NTSR1: variants seen among roughly 807,000 people sequenced by gnomAD.
NTSR1 encodes the protein neurotensin receptor 1, also known as neurotensin receptor type 1.
A neutral mutation model predicts 31.2 loss-of-function variants in NTSR1; 29 were observed. The ratio of observed to expected loss-of-function variants is 0.93; its 90% CI spans 0.69 to 1.27. NTSR1 has a LOEUF of 1.27. NTSR1 is among the 50% of genes most tolerant of loss of function. NTSR1 has a pLI of 0.00. For synonymous variants in NTSR1, 282 were observed against 269.9 expected (o/e 1.04, Z -0.44); for missense variants, 697 against 595.4 (o/e 1.17, Z -1.78).
chr20:62,754,583 A>G, intron 1 of NTSR1, 102 bp from the exon 2 acceptor site: 1 of 950,846 alleles, frequency 1.1e-6, no homozygotes, highest in South Asian at 1.4e-5. Flanking sequence ...AGCACCTCAC[A>G]CTGAGCAGGC....
In NTSR1 at chr20:62,733,983, C is replaced by T. The variant is rs1043238966; in HGVS notation, c.715-20702C>T. Among the ~76,000 whole-genome samples, 19 of 152,196 alleles carry T rather than the reference C, an allele frequency of 1.2e-4. No individual in the cohort carries two copies. Among genetic ancestry groups the T allele is most frequent in the Non-Finnish European group, 2.2e-4 (15 of 68,042 alleles). ...TTAAATGATGGTTTTGGGTGCTGAGCCAGCCCAGCTTGGAGGGGGTTTCGT... is the reference window on the plus strand; with the variant it reads ...TTAAATGATGGTTTTGGGTGCTGAGTCAGCCCAGCTTGGAGGGGGTTTCGT... On this transcript the variant is annotated intron_variant, in intron 1 of 3. Coordinates refer to ENST00000370501, the MANE Select transcript of NTSR1 (RefSeq NM_002531.3). The surrounding 1 kb of genome is among the most constrained non-coding windows in gnomAD (Gnocchi z 5.2).
chr20:62,712,214 CG>C (rs1988630701), intron 1 of NTSR1, among the ~76,000 whole-genome samples: 1 of 152,206 alleles, frequency 6.6e-6, no homozygotes, highest in Middle Eastern at 3.2e-3. Flanking sequence ...AGGGGGTTTA[CG>C]GTCCCCACGT....
intron 1 of NTSR1, among the ~76,000 whole-genome samples, chr20:62,720,215 G>A (rs547857953): frequency 6.5e-4 from 99 of 152,242 alleles, no homozygotes; most frequent in African/African-American, 2.3e-3. Context: ...CAGGAGAATC[G>A]CTTTAACTCG....
rs534198854 is a variant in NTSR1, at chr20:62,744,929, G to A, written c.715-9756G>A. On this transcript the variant is annotated intron_variant, in intron 1 of 3. Coordinates refer to ENST00000370501, the MANE Select transcript of NTSR1 (RefSeq NM_002531.3). The surrounding 1 kb of genome is among the most constrained non-coding windows in gnomAD (Gnocchi z 4.1). ...TAGGAGGCAAGGGGTAGCAGCTGAGGGGTGCACACAGCAGAGGATACTGCC... is the reference window on the plus strand; with the variant it reads ...TAGGAGGCAAGGGGTAGCAGCTGAGAGGTGCACACAGCAGAGGATACTGCC... Among the ~76,000 whole-genome samples, 1 of 152,236 alleles carries A rather than the reference G, an allele frequency of 6.6e-6. No individual in the cohort carries two copies. The highest frequency in any genetic ancestry group is 2.1e-4 in the South Asian group (1 of 4,822).
rs1988621494 is a variant in NTSR1 at position 62,711,820 on chromosome 20, C to G, written c.714+1899C>G. The stretch of plus-strand genomic sequence containing the variant: ...GCCTCCCAAAGCACCACCTGCCCAG[C>G]CTTGTTGCTCAGAGGCTGCGAGGCA... On this transcript the variant is annotated intron_variant, in intron 1 of 3. Transcript: ENST00000370501. This position sits in a 1 kb window ranked among gnomAD's most constrained non-coding sequence, Gnocchi z 6.4. Among the ~76,000 whole-genome samples, 1 of 152,194 alleles carries G rather than the reference C, an allele frequency of 6.6e-6. No homozygotes were observed. Among genetic ancestry groups the G allele is most frequent in the African/African-American group, 2.4e-5 (1 of 41,454 alleles).
chr20:62,720,287 G>A (rs186856271), intron 1 of NTSR1, among the ~76,000 whole-genome samples: 30 of 152,312 alleles, frequency 2.0e-4, no homozygotes, highest in Admixed American at 7.2e-4. Context: ...GTGACAGAGC[G>A]AGACTCCATC....
At chr20:62,755,313 CTCCCTTCCTTCCTCCCTCCCTCCA>C (rs1299216975) in intron 2 of NTSR1, among the ~76,000 whole-genome samples, 88 of 115,302 alleles carry the variant, frequency 7.6e-4, no homozygotes, top group African/African-American at 2.2e-3. Flanking sequence ...CTACCTCTCC[CTCCCTTCCTTCCTCCCTCCCTCCA>C]TCCATCCATC....
intron 1 of NTSR1, among the ~76,000 whole-genome samples, chr20:62,731,663 T>A (rs146452337): frequency 3.0e-4 from 46 of 152,360 alleles, no homozygotes; most frequent in African/African-American, 1.1e-3. Context: ...TTTTTCTACA[T>A]GTGGATGTCA....
chr20:62,760,322 G>C lies in NTSR1; in HGVS notation c.*55G>C. 6.5e-7 allele frequency: 1 copy of C among 1,547,116 alleles called. No individual in the cohort carries two copies. The highest frequency in any genetic ancestry group is 1.2e-5 in the South Asian group (1 of 82,236). ...AGCCTGGCCATGGGTCCTTGCCCCCGACAGACAGAGCAGCCCCCACCCGGG... is the reference window on the plus strand; with the variant it reads ...AGCCTGGCCATGGGTCCTTGCCCCCCACAGACAGAGCAGCCCCCACCCGGG... On this transcript the variant is annotated 3_prime_UTR_variant, in exon 4 of 4. Transcript: ENST00000370501.
chr20:62,731,876 T>G (rs767224948), intron 1 of NTSR1, among the ~76,000 whole-genome samples: 1 of 152,214 alleles, frequency 6.6e-6, no homozygotes, highest in Admixed American at 6.5e-5. Context: ...CCCAGCACTT[T>G]GGGAGGCCGA....
Position 62,760,010 on chromosome 20 carries a change from C to T in NTSR1, c.1008-8C>T. The T allele has an allele frequency of 6.2e-7, 1 of 1,613,126 alleles. No homozygotes were observed. ...CTCTGGGATCTGAGCGCCTCTCTCT[C>T]CCCGCAGGTTCCTCTATGACTTCTA... On this transcript the variant is annotated splice_region_variant and splice_polypyrimidine_tract_variant and intron_variant, in intron 3 of 3. Transcript: ENST00000370501.
chr20:62,751,659 T>C (rs2147146777), intron 1 of NTSR1, among the ~76,000 whole-genome samples: 1 of 152,384 alleles, frequency 6.6e-6, no homozygotes, highest in South Asian at 2.1e-4. Flanking sequence ...ATGTGACTGA[T>C]GCAAATGTTT....
intron 1 of NTSR1, among the ~76,000 whole-genome samples, chr20:62,737,153 G>A (rs1448758790): frequency 6.6e-6 from 1 of 152,200 alleles, no homozygotes; most frequent in Non-Finnish European, 1.5e-5. Context: ...CCGGATGGAT[G>A]GTGCGATGAT....
chr20:62,710,952 G>T (rs1322773388), intron 1 of NTSR1, among the ~76,000 whole-genome samples: 2 of 152,176 alleles, frequency 1.3e-5, no homozygotes, highest in Non-Finnish European at 2.9e-5. Context: ...GGCCAGGGTG[G>T]CTGGCTGTCC....
chr20:62,718,427 G>T (rs1007604239), intron 1 of NTSR1, among the ~76,000 whole-genome samples: 2 of 152,128 alleles, frequency 1.3e-5, no homozygotes, highest in South Asian at 4.1e-4. Context: ...TCGACTGACA[G>T]GCAATAAGAT....
intron 1 of NTSR1, among the ~76,000 whole-genome samples, chr20:62,710,505 C>T (rs943139452): frequency 1.3e-5 from 2 of 152,210 alleles, no homozygotes; most frequent in African/African-American, 2.4e-5. Flanking sequence ...TGCATGGCCC[C>T]TGACACATAG....
Position 62,760,077 on chromosome 20 carries a change from G to A in NTSR1, c.1067G>A (p.Ser356Asn), listed in dbSNP as rs746002141. The change falls in exon 4 of 4, where the codon AGC becomes AAC. Residue 356 changes from serine (S) to asparagine (N), a missense_variant. Transcript: ENST00000370501. ...YMVTNALFYV[S>N]STINPILYNL... ...GTGACCAACGCACTCTTCTACGTCA[G>A]CTCCACCATCAACCCCATCCTGTAC... 1 of 1,614,084 alleles carries A rather than the reference G, an allele frequency of 6.2e-7. No individual in the cohort carries two copies. Among genetic ancestry groups the A allele is most frequent in the Non-Finnish European group, 8.5e-7 (1 of 1,179,998 alleles).
At chr20:62,713,108 C>T (rs953907353) in intron 1 of NTSR1, among the ~76,000 whole-genome samples, 9 of 152,234 alleles carry the variant, frequency 5.9e-5, no homozygotes, top group African/African-American at 1.9e-4. Context: ...CCCTCCCAGC[C>T]TCACAGGCAC....
At chr20:62,717,565 A>G (rs984740803) in intron 1 of NTSR1, among the ~76,000 whole-genome samples, 5 of 152,210 alleles carry the variant, frequency 3.3e-5, no homozygotes, top group African/African-American at 1.2e-4. Flanking sequence ...AGTTAATGAC[A>G]TAAAACGCTG....
Sources: allele counts gnomAD v4.1 joint callset (sites outside exome capture counted in the v4.1 genomes callset), GRCh38; gene constraint gnomAD v4.1.1; non-coding constraint Gnocchi (gnomAD v3.1); transcripts MANE v1.5; gene names NCBI Gene and HGNC (gene_info 2026-07-23, HGNC 2026-07-21).